RAPGEF5: variants seen among roughly 807,000 people sequenced by gnomAD.
RAPGEF5 encodes the protein M-Ras-regulated GEF.
A neutral mutation model predicts 125.2 loss-of-function variants in RAPGEF5; 65 were observed. The ratio of observed to expected loss-of-function variants is 0.52; its 90% CI spans 0.43 to 0.64. The LOEUF (loss-of-function observed/expected upper bound fraction) is 0.64. Ranked by LOEUF, RAPGEF5 falls within the 30% of genes least tolerant of loss-of-function variation. RAPGEF5 has a pLI of 0.00. For missense variants in RAPGEF5, 958 were observed against 1,048.1 expected (o/e 0.91, Z 1.19); for synonymous variants, 391 against 385.9 (o/e 1.01, Z -0.16).
intron 8 of RAPGEF5, among the ~76,000 whole-genome samples, chr7:22,227,123 G>T (rs1180082096): frequency 6.6e-6 from 1 of 151,568 alleles, no homozygotes; most frequent in Admixed American, 6.6e-5. Flanking sequence ...CTAAAGTAGG[G>T]GGGCCACCAA....
rs183158644 is a variant in RAPGEF5, at chr7:22,176,729, C to T, written c.1205-9581G>A. Among the ~76,000 whole-genome samples the T allele has an allele frequency of 2.9e-3, 442 of 152,172 alleles. 1 individual carries two copies. The highest frequency in any genetic ancestry group is 9.2e-3 in the African/African-American group (383 of 41,508). ...TATTTTTAGCAGAGGTGGGGTTTTA[C>T]CATGTTGGTCAGGCTGGTCCCAAAC... On this transcript the variant is annotated intron_variant, in intron 11 of 25. Coordinates refer to ENST00000665637, the MANE Select transcript of RAPGEF5 (RefSeq NM_012294.5).
chr7:22,322,922 C>A (rs182954049), intron 1 of RAPGEF5, among the ~76,000 whole-genome samples: 1 of 152,206 alleles, frequency 6.6e-6, no homozygotes, highest in Non-Finnish European at 1.5e-5. Context: ...TCTCCTCATC[C>A]ACTTTAGCTA....
At chr7:22,202,958 C>A (rs984931015) in intron 9 of RAPGEF5, 3 of 317,868 alleles carry the variant, frequency 9.4e-6, no homozygotes, top group South Asian at 2.5e-5. Flanking sequence ...TAACTGTATG[C>A]CATCCAAGTA....
chr7:22,332,859 A>G (rs1004956078), intron 1 of RAPGEF5, among the ~76,000 whole-genome samples: 3 of 152,128 alleles, frequency 2.0e-5, no homozygotes, highest in African/African-American at 7.2e-5. Context: ...GGAGCAACCC[A>G]CTACAGGGTA....
At chr7:22,208,273 T>TA (rs529060877) in intron 9 of RAPGEF5, among the ~76,000 whole-genome samples, 10 of 151,940 alleles carry the variant, frequency 6.6e-5, no homozygotes, top group African/African-American at 1.2e-4. Flanking sequence ...GCTCTACTTA[T>TA]AAAAAAAAGG....
intron 7 of RAPGEF5, among the ~76,000 whole-genome samples, chr7:22,233,640 C>T (rs990086927): frequency 2.0e-5 from 3 of 152,142 alleles, no homozygotes; most frequent in Non-Finnish European, 4.4e-5. Context: ...TCAAGCAATC[C>T]TCCCGTCTCG....
chr7:22,149,345 T>C lies in RAPGEF5; in HGVS notation c.1884+1062A>G, dbSNP rs570003210. On this transcript the variant is annotated intron_variant, in intron 18 of 25. Transcript: ENST00000665637. ...CTACGTGGTATGCAGGTTTCTCAAT[T>C]ATACATACAACAGGAGCCAGTGAGA... Among the ~76,000 whole-genome samples the C allele has an allele frequency of 1.4e-4, 22 of 152,292 alleles. No individual in the cohort carries two copies. The East Asian group carries it at 4.1e-3, about 28-fold the overall frequency.
intron 20 of RAPGEF5, among the ~76,000 whole-genome samples, chr7:22,141,073 G>A (rs958641447): frequency 1.1e-4 from 17 of 152,182 alleles, no homozygotes; most frequent in African/African-American, 4.1e-4. Context: ...ATGGAATCTG[G>A]GAATAGTGTA....
In RAPGEF5 at chr7:22,315,431, T is replaced by C; in HGVS notation, c.328A>G (p.Ile110Val). 6.5e-7 allele frequency: 1 copy of C among 1,533,632 alleles called. No homozygotes were observed. The highest frequency in any genetic ancestry group is 2.5e-5 in the East Asian group (1 of 39,888). The change falls in exon 3 of 26, where the codon ATT becomes GTT. Residue 110 changes from isoleucine (I) to valine (V), a missense_variant. Physicochemically the swap from Ile to Val is conservative, Grantham distance 29 (BLOSUM62 3). Transcript: ENST00000665637. Reference sequence around the variant, plus strand: ...AGGTCAGCTGCTTGAACGATAATAATATTCCTCAATGCTCTTCCTGCACAA... The same window carrying C: ...AGGTCAGCTGCTTGAACGATAATAACATTCCTCAATGCTCTTCCTGCACAA... ...SSCAGRALRN[I>V]IIVQAADLIK...
chr7:22,197,544 C>T (rs1226325711), intron 9 of RAPGEF5, among the ~76,000 whole-genome samples: 1 of 152,218 alleles, frequency 6.6e-6, no homozygotes, highest in East Asian at 1.9e-4. Flanking sequence ...ATTTATCCCA[C>T]AAAGTTCACT....
chr7:22,308,729 T>A (rs894710593), intron 4 of RAPGEF5, among the ~76,000 whole-genome samples: 2 of 152,338 alleles, frequency 1.3e-5, no homozygotes, highest in East Asian at 1.9e-4. Context: ...CATATTCACA[T>A]GTATTCATAT....
chr7:22,150,504 T>C lies in RAPGEF5; in HGVS notation c.1787A>G (p.Glu596Gly). 1.9e-6 allele frequency: 3 copies of C among 1,552,208 alleles called. No homozygotes were observed. Among genetic ancestry groups the C allele is most frequent in the East Asian group, 4.6e-5 (2 of 43,628 alleles). Residue 596 changes from glutamate to glycine, a missense_variant and splice_region_variant, in exon 18 of 26, where the codon GAA (glutamate) becomes GGA (glycine). Coordinates refer to ENST00000665637, the MANE Select transcript of RAPGEF5 (RefSeq NM_012294.5). ...GTCATTTGGCTGAAGTTCATGCTTTTCTTTATTTGAAAAAAAAAAAAAAAA... is the reference window on the plus strand; with the variant it reads ...GTCATTTGGCTGAAGTTCATGCTTTCCTTTATTTGAAAAAAAAAAAAAAAA... Reference protein sequence around the residue: ...LALVAITFSGEKHELQPNDLV... With the variant: ...LALVAITFSGGKHELQPNDLV...
Position 22,145,332 on chromosome 7 carries a change from T to C in RAPGEF5, c.2008-110A>G, listed in dbSNP as rs1363891750. 13 of 1,032,600 alleles carry C rather than the reference T, an allele frequency of 1.3e-5. No individual in the cohort carries two copies. In the Admixed American group the frequency reaches 3.7e-4, roughly 29 times the overall value. 64.0% of individuals were successfully genotyped at this position (1,032,600 alleles called of 1,614,324 possible). ...CAGGTAGTTCCTCCCATATTATTAA[T>C]ACACTAACAGAGAACATGGTGAATA... On this transcript the variant is annotated intron_variant, in intron 19 of 25. Coordinates refer to ENST00000665637, the MANE Select transcript of RAPGEF5 (RefSeq NM_012294.5).
chr7:22,162,324 GA>G, intron 13 of RAPGEF5, 72 bp downstream of exon 13: 1 of 1,441,836 alleles, frequency 6.9e-7, no homozygotes, highest in East Asian at 2.3e-5. Context: ...CTACAAATGA[GA>G]TTTTTAAAAT....
intron 7 of RAPGEF5, among the ~76,000 whole-genome samples, chr7:22,249,539 C>G (rs1428521677): frequency 6.6e-6 from 1 of 152,154 alleles, no homozygotes; most frequent in Admixed American, 6.5e-5. Context: ...AAAGCCTTGA[C>G]AAGTTTAGTA....
chr7:22,269,403 G>A (rs1782365427), intron 6 of RAPGEF5, among the ~76,000 whole-genome samples: 1 of 152,064 alleles, frequency 6.6e-6, no homozygotes, highest in Admixed American at 6.6e-5. Context: ...ACTGAGGCAG[G>A]GACCTGTTTG....
chr7:22,312,666 T>C (rs1341208314), intron 3 of RAPGEF5, among the ~76,000 whole-genome samples: 1 of 152,206 alleles, frequency 6.6e-6, no homozygotes, highest in Non-Finnish European at 1.5e-5. Context: ...ACAATATTAA[T>C]TAAAAACTGA....
intron 9 of RAPGEF5, among the ~76,000 whole-genome samples, chr7:22,216,272 C>T (rs1785636398): frequency 6.6e-6 from 1 of 152,250 alleles, no homozygotes; most frequent in African/African-American, 2.4e-5. Context: ...GATTATGCCA[C>T]TTCCCTTCTT....
Position 22,357,089 on chromosome 7 carries a change from T to A in RAPGEF5, c.-29A>T. 9.9e-7 allele frequency: 1 copy of A among 1,012,124 alleles called. No homozygotes were observed. The highest frequency in any genetic ancestry group is 1.2e-6 in the Non-Finnish European group (1 of 844,126). 62.7% of individuals were successfully genotyped at this position (1,012,124 alleles called of 1,614,324 possible). ...CTGACGGCGCTGCGGCGCCGGGGGC[T>A]CCTCTCCACCGCGCTCGCCTCCGCG... On this transcript the variant is annotated 5_prime_UTR_variant, in exon 1 of 26. Transcript: ENST00000665637.
Sources: allele counts gnomAD v4.1 joint callset (sites outside exome capture counted in the v4.1 genomes callset), GRCh38; gene constraint gnomAD v4.1.1; transcripts MANE v1.5; gene names NCBI Gene and HGNC (gene_info 2026-07-23, HGNC 2026-07-21).